EVC: variants seen among roughly 807,000 people sequenced by gnomAD.
EVC encodes the protein EvC ciliary complex subunit 1.
A neutral mutation model predicts 118.9 loss-of-function variants in EVC; 116 were observed. The ratio of observed to expected loss-of-function variants is 0.98; its 90% CI spans 0.84 to 1.14. The LOEUF is 1.14. EVC is among the 50% of genes most tolerant of loss of function. The pLI, the probability that EVC is intolerant of heterozygous loss-of-function variation, is 0.00. For missense variants in EVC, 1,401 were observed against 1,246.4 expected, an observed-to-expected ratio of 1.12 and a Z score of -1.87; for synonymous variants, 619 against 534.7, an observed-to-expected ratio of 1.16 and a Z score of -2.18.
intron 1 of EVC, among the ~76,000 whole-genome samples, chr4:5,715,644 T>C (rs1187194306): frequency 6.6e-6 from 1 of 152,138 alleles, no homozygotes; most frequent in East Asian, 1.9e-4. Context: ...CTTCTATGTC[T>C]GAAAATATAT....
chr4:5,747,031 T>G (rs981714862), intron 7 of EVC, among the ~76,000 whole-genome samples: 1 of 151,538 alleles, frequency 6.6e-6, no homozygotes, highest in Non-Finnish European at 1.5e-5. Flanking sequence ...AAGAGCAGGG[T>G]GAGAGCCTGA....
chr4:5,771,485 G>T (rs756077412), intron 11 of EVC, among the ~76,000 whole-genome samples: 31 of 152,142 alleles, frequency 2.0e-4, no homozygotes, highest in African/African-American at 7.0e-4. Flanking sequence ...TCCCACCTGC[G>T]AAGTCTCTTT....
downstream of EVC, among the ~76,000 whole-genome samples, chr4:5,815,540 C>T (rs891268927): frequency 6.6e-6 from 1 of 152,090 alleles, no homozygotes; most frequent in Admixed American, 6.5e-5. Context: ...GAGGCAGGCA[C>T]TGTCTTGGGA....
chr4:5,744,910 T>C (rs977607965), intron 6 of EVC, among the ~76,000 whole-genome samples: 8 of 151,782 alleles, frequency 5.3e-5, no homozygotes, highest in Non-Finnish European at 1.2e-4. Flanking sequence ...CATGATATTT[T>C]CCAGGACTTC....
intron 12 of EVC, 24 bp downstream of exon 12, chr4:5,783,788 G>A (rs1407922426): frequency 1.9e-6 from 3 of 1,584,314 alleles, no homozygotes; most frequent in Non-Finnish European, 2.6e-6. Context: ...GGAACCCAGG[G>A]GCTGGGGTCT....
chr4:5,758,684 C>T (rs1389204719), intron 11 of EVC, among the ~76,000 whole-genome samples: 12 of 152,156 alleles, frequency 7.9e-5, no homozygotes, highest in African/African-American at 1.9e-4. Context: ...CTGTGCTGGC[C>T]CATGTATCTT....
chr4:5,805,000 C>T (rs1360366033), intron 17 of EVC, among the ~76,000 whole-genome samples, 159 bp downstream of exon 17: 1 of 152,160 alleles, frequency 6.6e-6, no homozygotes, highest in African/African-American at 2.4e-5. Context: ...GGTCTCTGCC[C>T]TCCATGCAGC....
chr4:5,803,885 TA>T (rs1715420524), intron 16 of EVC, among the ~76,000 whole-genome samples: 1 of 152,024 alleles, frequency 6.6e-6, no homozygotes, highest in South Asian at 2.1e-4. Context: ...GGGGCACTAT[TA>T]ATAATTATAC....
chr4:5,722,191 C>A (rs1456617109), intron 2 of EVC, among the ~76,000 whole-genome samples: 4 of 152,090 alleles, frequency 2.6e-5, no homozygotes, highest in African/African-American at 4.8e-5. Context: ...CCCGAGTCAC[C>A]CAGGGCTGAG....
chr4:5,729,652 A>G (rs1391203752), intron 3 of EVC, among the ~76,000 whole-genome samples: 6 of 152,122 alleles, frequency 3.9e-5, no homozygotes, highest in African/African-American at 1.4e-4. Context: ...CCTTTTTAAC[A>G]CTAATACAAA....
Position 5,753,030 on chromosome 4 carries a change from G to A in EVC, c.1293G>A (p.Gln431=). Residue 431 remains glutamine (Q), a synonymous_variant, in exon 9 of 21, where the codon CAG becomes CAA. Coordinates refer to ENST00000264956, the MANE Select transcript of EVC (RefSeq NM_153717.3). Reference sequence around the variant, plus strand: ...CGCAGCAGCACAAGGCCTTCTGGCAGGAGGCAGAGCGCTTCAGCCGGGGTG... The same window carrying A: ...CGCAGCAGCACAAGGCCTTCTGGCAAGAGGCAGAGCGCTTCAGCCGGGGTG... ...LLTQQHKAFW[Q]EAERFSREFV... 1 of 1,606,204 alleles carries A rather than the reference G, an allele frequency of 6.2e-7. No individual in the cohort carries two copies. Among genetic ancestry groups the A allele is most frequent in the Non-Finnish European group, 8.5e-7 (1 of 1,176,744 alleles).
At chr4:5,772,096 C>G (rs1336877247) in intron 11 of EVC, among the ~76,000 whole-genome samples, 3 of 152,034 alleles carry the variant, frequency 2.0e-5, no homozygotes, top group Non-Finnish European at 2.9e-5. Context: ...CAAGGTTTCA[C>G]CGTGTTAGCC....
chr4:5,731,576 A>G lies in EVC; in HGVS notation c.536A>G (p.His179Arg), dbSNP rs1726826002. The G allele has an allele frequency of 6.2e-7, 1 of 1,613,968 alleles. No individual in the cohort carries two copies. The highest frequency in any genetic ancestry group is 1.3e-5 in the African/African-American group (1 of 74,892). Residue 179 changes from histidine to arginine, a missense_variant, in exon 4 of 21, where the codon CAC becomes CGC. His to Arg is a conservative substitution (Grantham distance 29). Transcript: ENST00000264956. This position sits in a 1 kb window ranked among gnomAD's most constrained non-coding sequence, Gnocchi z 5.6. Reference sequence around the variant, plus strand: ...GACTGCAGCTCCTCATCCAGCGTCCACTCGGCCACCAGCGATGACAGGTTT... The same window carrying G: ...GACTGCAGCTCCTCATCCAGCGTCCGCTCGGCCACCAGCGATGACAGGTTT... ...KDDCSSSSSV[H>R]SATSDDRFLS...
chr4:5,804,910 G>T (rs1715621334), intron 17 of EVC, 69 bp downstream of exon 17: 3 of 1,385,450 alleles, frequency 2.2e-6, no homozygotes, highest in South Asian at 2.3e-5. Flanking sequence ...TCTCTCTGTG[G>T]TGCCGTCAGC....
intron 13 of EVC, among the ~76,000 whole-genome samples, chr4:5,796,148 A>G (rs996287882): frequency 5.3e-5 from 8 of 152,140 alleles, no homozygotes; most frequent in Non-Finnish European, 7.4e-5. Context: ...TAGGATGTCC[A>G]TTTGATTCCT....
intron 12 of EVC, among the ~76,000 whole-genome samples, chr4:5,788,826 A>C (rs983106908): frequency 3.3e-5 from 5 of 152,184 alleles, no homozygotes; most frequent in Non-Finnish European, 7.3e-5. Flanking sequence ...CGCTTGTCCA[A>C]CCCACAGGCT....
intron 2 of EVC, among the ~76,000 whole-genome samples, chr4:5,724,195 C>A (rs1263525257): frequency 6.6e-6 from 1 of 152,170 alleles, no homozygotes; most frequent in Admixed American, 6.5e-5. Context: ...GACGGCAGAC[C>A]CTCAATACAT....
In EVC at chr4:5,743,242, C is replaced by G. The variant is rs535433060; in HGVS notation, c.801+1428C>G. On this transcript the variant is annotated intron_variant, in intron 6 of 20. Transcript: ENST00000264956. The surrounding 1 kb of genome is among the most constrained non-coding windows in gnomAD (Gnocchi z 4.7). ...GTTCCTGCCGGTTTCTTCACTTTAT[C>G]CTGTCTGGACCAGATCCCATTTTGA... Among the ~76,000 whole-genome samples the G allele has an allele frequency of 1.3e-5, 2 of 152,188 alleles. No individual in the cohort carries two copies. Among genetic ancestry groups the G allele is most frequent in the African/African-American group, 4.8e-5 (2 of 41,522 alleles).
chr4:5,729,598 C>T (rs192800323), intron 3 of EVC, among the ~76,000 whole-genome samples: 34 of 152,204 alleles, frequency 2.2e-4, no homozygotes, highest in African/African-American at 7.9e-4. Flanking sequence ...CCTTGTATCC[C>T]CAGGGACACG....
Sources: gnomAD v4.1 joint callset for allele counts (sites outside exome capture counted in the v4.1 genomes callset) on GRCh38, gnomAD v4.1.1 for gene constraint, Gnocchi (gnomAD v3.1) non-coding constraint, MANE v1.5 for transcripts, NCBI Gene and HGNC (gene_info 2026-07-23, HGNC 2026-07-21) for gene names.